Variants in CTTNBP2 observed in about 807,000 individuals in gnomAD.
The protein encoded by CTTNBP2 is cortactin-binding protein 2.
A neutral mutation model predicts 156.9 loss-of-function variants in CTTNBP2; 108 were observed. The ratio of observed to expected loss-of-function variants is 0.69; its 90% confidence interval spans 0.59 to 0.81. The LOEUF (loss-of-function observed/expected upper bound fraction) is 0.81. CTTNBP2 is among the 30% of genes least tolerant of loss of function. The probability of loss-of-function intolerance (pLI) is 0.00; values close to 1 mark genes in which losing one functional copy is unlikely to be tolerated. For missense variants in CTTNBP2, 1,924 were observed against 2,035.4 expected (o/e 0.95, Z 1.05); for synonymous variants, 767 against 751.8 (o/e 1.02, Z -0.33).
chr7:117,733,234 T>C (rs1191341204), intron 16 of CTTNBP2, among the ~76,000 whole-genome samples: 2 of 152,214 alleles, frequency 1.3e-5, no homozygotes, highest in African/African-American at 4.8e-5. Context: ...GGGGCTGTTT[T>C]ATTAACCTAC....
intron 2 of CTTNBP2, among the ~76,000 whole-genome samples, chr7:117,814,400 C>T (rs1800458692): frequency 6.6e-6 from 1 of 151,982 alleles, no homozygotes; most frequent in Admixed American, 6.6e-5. Context: ...TATAACAATA[C>T]ATGTACAGGT....
intron 3 of CTTNBP2, among the ~76,000 whole-genome samples, chr7:117,799,898 G>T (rs1367726338): frequency 6.6e-6 from 1 of 152,012 alleles, no homozygotes; most frequent in African/African-American, 2.4e-5. Context: ...AACAAATAAT[G>T]CTATTTACAA....
At chr7:117,814,952 C>A (rs1416826705) in intron 2 of CTTNBP2, among the ~76,000 whole-genome samples, 1 of 152,146 alleles carries the variant, frequency 6.6e-6, no homozygotes, top group Non-Finnish European at 1.5e-5. Context: ...AAAACCTGAT[C>A]TCATTCTTTC....
intron 2 of CTTNBP2, among the ~76,000 whole-genome samples, chr7:117,846,147 G>A (rs972459638): frequency 3.3e-5 from 5 of 152,092 alleles, no homozygotes; most frequent in Admixed American, 6.5e-5. Context: ...CACCGCGCCC[G>A]GTCCTGTTAA....
intron 2 of CTTNBP2, among the ~76,000 whole-genome samples, chr7:117,840,976 G>A (rs1022360689): frequency 2.4e-4 from 37 of 152,134 alleles, no homozygotes; most frequent in Non-Finnish European, 4.7e-4. Context: ...GTTTATGTGG[G>A]TTATAGCTAT....
chr7:117,721,785 T>TTA (rs893394735), intron 19 of CTTNBP2, among the ~76,000 whole-genome samples: 2 of 152,294 alleles, frequency 1.3e-5, no homozygotes, highest in Admixed American at 1.3e-4. Context: ...TGCATATCAG[T>TTA]TATATATACA....
intron 14 of CTTNBP2, among the ~76,000 whole-genome samples, chr7:117,742,339 A>G (rs1362830598): frequency 6.6e-6 from 1 of 152,222 alleles, no homozygotes; most frequent in East Asian, 1.9e-4. Flanking sequence ...GTGGAAAAGC[A>G]AAGGATACAT....
At chr7:117,850,098 T>C (rs529036735) in intron 2 of CTTNBP2, among the ~76,000 whole-genome samples, 1 of 152,356 alleles carries the variant, frequency 6.6e-6, no homozygotes, top group East Asian at 1.9e-4. Flanking sequence ...AGGTATTACC[T>C]GGAGGTTTTG....
chr7:117,747,848 T>A (rs1157429693), intron 12 of CTTNBP2, among the ~76,000 whole-genome samples: 3 of 152,084 alleles, frequency 2.0e-5, no homozygotes, highest in African/African-American at 7.2e-5. Context: ...TTCTGGGAAG[T>A]GGAGGAAAGC....
At chr7:117,716,951 G>A (rs1037063521) in intron 22 of CTTNBP2, among the ~76,000 whole-genome samples, 6 of 152,350 alleles carry the variant, frequency 3.9e-5, no homozygotes, top group East Asian at 1.9e-4. Context: ...TGCTCTCTGC[G>A]CCCCACCTTC....
intron 2 of CTTNBP2, among the ~76,000 whole-genome samples, chr7:117,850,467 C>T (rs1802871746): frequency 6.6e-6 from 1 of 152,092 alleles, no homozygotes; most frequent in South Asian, 2.1e-4. Context: ...GACTAACAGT[C>T]ACTTTGAAAA....
At chr7:117,732,683 G>T (rs1003041182) in intron 16 of CTTNBP2, among the ~76,000 whole-genome samples, 2 of 146,200 alleles carry the variant, frequency 1.4e-5, no homozygotes, top group East Asian at 3.9e-4. Flanking sequence ...GTCAGGCACA[G>T]AAACTAACTT....
At chr7:117,846,571 AG>A (rs1802597812) in intron 2 of CTTNBP2, among the ~76,000 whole-genome samples, 1 of 152,012 alleles carries the variant, frequency 6.6e-6, no homozygotes, top group Non-Finnish European at 1.5e-5. Context: ...AAAAGAAAAA[AG>A]AAAAAAAAAG....
chr7:117,737,739 CAA>C (rs1562963094), intron 14 of CTTNBP2, among the ~76,000 whole-genome samples: 1 of 152,012 alleles, frequency 6.6e-6, no homozygotes, highest in Non-Finnish European at 1.5e-5. Flanking sequence ...ATGCCAAATA[CAA>C]AATTTTTTTT....
rs1796975384 is a variant in CTTNBP2, at chr7:117,757,908, T to A, written c.3235A>T (p.Asn1079Tyr). 6 of 1,613,420 alleles carry A rather than the reference T, an allele frequency of 3.7e-6. No individual in the cohort carries two copies. Among genetic ancestry groups the A allele is most frequent in the Non-Finnish European group, 5.1e-6 (6 of 1,179,742 alleles). ...AGCACAGTGATGTGCTCTGCCTTAT[T>A]CTTCCTCATAAAGTCCCACGGGGAC... is the stretch of plus-strand genomic sequence containing the variant. ...AQSPWDFMRK[N>Y]KAEHITVLLS... Residue 1079 changes from asparagine to tyrosine, a missense_variant, in exon 11 of 23, where the codon AAT becomes TAT. Transcript: ENST00000160373.
intron 3 of CTTNBP2, among the ~76,000 whole-genome samples, chr7:117,802,437 CAAAAAAAA>C (rs759797673): frequency 1.2e-5 from 1 of 83,742 alleles, no homozygotes; most frequent in African/African-American, 3.2e-5. Context: ...TCAGCATTGG[CAAAAAAAA>C]AAAAAAAAAA....
chr7:117,716,143 T>A (rs35323008), intron 22 of CTTNBP2, among the ~76,000 whole-genome samples: 1 of 131,582 alleles, frequency 7.6e-6, no homozygotes, highest in South Asian at 2.4e-4. Context: ...ATAGTTTTTT[T>A]TTCTTTGTAT....
intron 16 of CTTNBP2, among the ~76,000 whole-genome samples, chr7:117,730,780 G>T (rs982125782): frequency 6.6e-6 from 1 of 151,882 alleles, no homozygotes; most frequent in Admixed American, 6.6e-5. Context: ...AAATTTTCAT[G>T]GAAAGAGAAC....
chr7:117,826,128 T>C (rs1245716961), intron 2 of CTTNBP2, among the ~76,000 whole-genome samples: 1 of 152,126 alleles, frequency 6.6e-6, no homozygotes, highest in African/African-American at 2.4e-5. Flanking sequence ...CTAGAGCCCC[T>C]CATCACCTTT....
Sources: allele counts gnomAD v4.1 joint callset (sites outside exome capture counted in the v4.1 genomes callset), GRCh38; gene constraint gnomAD v4.1.1; transcripts MANE v1.5; gene names NCBI Gene and HGNC (gene_info 2026-07-23, HGNC 2026-07-21).